SKAP1: variants seen among roughly 807,000 people sequenced by gnomAD.
The protein encoded by SKAP1 is src kinase associated phosphoprotein 1.
Under a neutral mutation model 58.5 loss-of-function variants are expected in SKAP1, and 44 were observed. That is an observed-to-expected ratio of 0.75 (90% confidence interval 0.59 to 0.97). The LOEUF (loss-of-function observed/expected upper bound fraction) is 0.97. Among genes scored for constraint, SKAP1 ranks in the 50% least tolerant of loss-of-function variants. The probability of loss-of-function intolerance (pLI) is 0.00; values close to 1 mark genes in which losing one functional copy is unlikely to be tolerated. For missense variants in SKAP1, 390 were observed against 435.2 expected, an observed-to-expected ratio of 0.90 and a Z score of 0.92; for synonymous variants, 127 against 149.7, an observed-to-expected ratio of 0.85 and a Z score of 1.11.
chr17:48,186,886 G>A (rs944629452), intron 6 of SKAP1, among the ~76,000 whole-genome samples: 1 of 152,220 alleles, frequency 6.6e-6, no homozygotes, highest in Non-Finnish European at 1.5e-5. Flanking sequence ...AAAGCACTAA[G>A]TTTGAGGAAG....
chr17:48,438,052 A>G, the SKAP1 span, among the ~76,000 whole-genome samples: 1 of 152,212 alleles, frequency 6.6e-6, no homozygotes, highest in Non-Finnish European at 1.5e-5. Context: ...GCTTCAGAGT[A>G]TATATCCCAA....
chr17:48,345,791 G>A (rs2066714603), intron 4 of SKAP1, 114 bp downstream of exon 4: 1 of 696,350 alleles, frequency 1.4e-6, no homozygotes, highest in African/African-American at 1.8e-5. Context: ...GTGATTACCA[G>A]TACAGAAAAC....
At chr17:48,274,549 A>T (rs1251960487) in intron 4 of SKAP1, among the ~76,000 whole-genome samples, 1 of 152,054 alleles carries the variant, frequency 6.6e-6, no homozygotes, top group Non-Finnish European at 1.5e-5. Flanking sequence ...ATACAAAATT[A>T]GCCAGGTGTG....
chr17:48,367,697 T>G (rs115453728), intron 2 of SKAP1, among the ~76,000 whole-genome samples: 3,380 of 151,634 alleles, frequency 0.022, 116 homozygotes, highest in African/African-American at 0.075. Flanking sequence ...GCAGGAGGAT[T>G]GCCCAAGCCC....
chr17:48,392,305 C>A (rs1328969257), intron 2 of SKAP1, among the ~76,000 whole-genome samples: 1 of 152,178 alleles, frequency 6.6e-6, no homozygotes, highest in African/African-American at 2.4e-5. Context: ...TTCTTTCAGC[C>A]TGTAGTTTAA....
At chr17:48,353,295 A>T (rs940357211) in intron 3 of SKAP1, among the ~76,000 whole-genome samples, 1 of 152,154 alleles carries the variant, frequency 6.6e-6, no homozygotes, top group Non-Finnish European at 1.5e-5. Flanking sequence ...TATAGCATTG[A>T]CCTGGCTTGG....
chr17:48,377,924 T>C (rs1469540731), intron 2 of SKAP1, among the ~76,000 whole-genome samples: 1 of 152,218 alleles, frequency 6.6e-6, no homozygotes, highest in African/African-American at 2.4e-5. Context: ...AGAACTGTCC[T>C]TTGTCCCACA....
chr17:48,172,786 G>T (rs986511774), intron 9 of SKAP1, among the ~76,000 whole-genome samples: 1 of 152,056 alleles, frequency 6.6e-6, no homozygotes, highest in Non-Finnish European at 1.5e-5. Context: ...GCCAAACTGG[G>T]GAAGTAAGCT....
chr17:48,308,750 T>C lies in SKAP1; in HGVS notation c.280+37155A>G, dbSNP rs1201363608. 7 of 152,160 alleles carry C rather than the reference T, an allele frequency of 4.6e-5. 1 individual carries two copies. The highest frequency in any genetic ancestry group is 7.4e-5 in the Non-Finnish European group (5 of 68,016). The allele number at this position is 152,160 out of a possible 1,614,324, so 9.4% of individuals were successfully genotyped here. Reference sequence around the variant, plus strand: ...CTATTTAACCTTTGGGCAAGTTTCGTTTTCCTTATCTGTAAAATGGAGATA... The same window carrying C: ...CTATTTAACCTTTGGGCAAGTTTCGCTTTCCTTATCTGTAAAATGGAGATA... On this transcript the variant is annotated intron_variant, in intron 4 of 12. Coordinates refer to ENST00000336915, the MANE Select transcript of SKAP1 (RefSeq NM_003726.4).
chr17:48,182,518 G>C, intron 7 of SKAP1, 61 bp from the exon 8 acceptor site: 1 of 1,252,376 alleles, frequency 8.0e-7, no homozygotes, highest in Admixed American at 1.8e-5. Flanking sequence ...AATCTTGACA[G>C]GGATGTCCAA....
At chr17:48,364,372 C>T (rs1012103507) in intron 2 of SKAP1, among the ~76,000 whole-genome samples, 3 of 152,094 alleles carry the variant, frequency 2.0e-5, no homozygotes, top group Non-Finnish European at 4.4e-5. Context: ...AACCTAAATT[C>T]TTAATTTTAC....
intron 11 of SKAP1, among the ~76,000 whole-genome samples, chr17:48,147,544 C>T (rs1392241545): frequency 1.3e-5 from 2 of 152,086 alleles, no homozygotes; most frequent in African/African-American, 2.4e-5. Flanking sequence ...AGGCTGGGAA[C>T]AAGAATTGTT....
intron 11 of SKAP1, among the ~76,000 whole-genome samples, chr17:48,155,801 G>A (rs1463162238): frequency 1.3e-5 from 2 of 152,328 alleles, no homozygotes; most frequent in Non-Finnish European, 2.9e-5. Flanking sequence ...AGGTTGCAGT[G>A]AGCCGAGACC....
At chr17:48,383,268 T>C (rs1213540710) in intron 2 of SKAP1, among the ~76,000 whole-genome samples, 1 of 152,180 alleles carries the variant, frequency 6.6e-6, no homozygotes, top group Non-Finnish European at 1.5e-5. Context: ...AAAAGTAGTC[T>C]GACAAATACA....
At chr17:48,353,897 C>CAAA (rs200738005) in intron 3 of SKAP1, among the ~76,000 whole-genome samples, 1 of 60,806 alleles carries the variant, frequency 1.6e-5, no homozygotes, top group Non-Finnish European at 3.2e-5. Flanking sequence ...GACTCTGTCT[C>CAAA]AAAAAAAAAA....
At position 48,427,253 on chromosome 17, in the gene SKAP1, A is replaced by G. The variant is rs111380436; in HGVS notation, c.46+2822T>C. On this transcript the variant is annotated intron_variant, in intron 1 of 12. Coordinates refer to ENST00000336915, the MANE Select transcript of SKAP1 (RefSeq NM_003726.4). ...GCAAAAATGGGATATTACATGTACT[A>G]TCATGCATTTTGCCTTTTAGTCTTA... Among the ~76,000 whole-genome samples the G allele has an allele frequency of 4.0e-3, 615 of 152,286 alleles. 8 individuals are homozygous for G. Among genetic ancestry groups the G allele is most frequent in the African/African-American group, 0.014 (589 of 41,552 alleles).
intron 2 of SKAP1, among the ~76,000 whole-genome samples, chr17:48,389,593 G>A (rs923232481): frequency 1.3e-5 from 2 of 152,170 alleles, no homozygotes; most frequent in Admixed American, 6.5e-5. Context: ...TCTAGCACTC[G>A]AGAAGTTCCT....
At chr17:48,265,757 A>G (rs2924250) in intron 4 of SKAP1, among the ~76,000 whole-genome samples, 66,836 of 151,690 alleles carry the variant, frequency 0.44, 14,946 homozygotes, top group South Asian at 0.61. Context: ...CCCTCCCCCC[A>G]TGAAACTAGG....
chr17:48,316,414 A>G (rs1395709449), intron 4 of SKAP1, among the ~76,000 whole-genome samples: 7 of 151,996 alleles, frequency 4.6e-5, no homozygotes, highest in Non-Finnish European at 7.4e-5. Context: ...CCATGGCTTG[A>G]TCTCTCATTT....
Sources: allele counts gnomAD v4.1 joint callset (sites outside exome capture counted in the v4.1 genomes callset), GRCh38; gene constraint gnomAD v4.1.1; transcripts MANE v1.5; gene names NCBI Gene and HGNC (gene_info 2026-07-23, HGNC 2026-07-21).